The following PNPT1 variants were observed in gnomAD, a reference collection of about 807,000 sequenced individuals.
The protein encoded by PNPT1 is polyribonucleotide nucleotidyltransferase 1.
In PNPT1, 53 loss-of-function variants were observed where a neutral mutation model predicts 119.5. That is an observed-to-expected ratio of 0.44 (90% CI 0.36 to 0.56). The LOEUF (loss-of-function observed/expected upper bound fraction) is 0.56. Among genes scored for constraint, PNPT1 ranks in the 20% least tolerant of loss-of-function variants. The pLI, the probability that PNPT1 is intolerant of heterozygous loss-of-function variation, is 0.00. For synonymous variants in PNPT1, 357 were observed against 322.1 expected, an observed-to-expected ratio of 1.11 and a Z score of -1.16; for missense variants, 948 against 938.5, an observed-to-expected ratio of 1.01 and a Z score of -0.13.
intron 3 of PNPT1, among the ~76,000 whole-genome samples, chr2:55,685,650 A>G (rs1208971229): frequency 2.0e-5 from 3 of 152,198 alleles, no homozygotes; most frequent in African/African-American, 7.2e-5. Flanking sequence ...TCTGTTAAAT[A>G]TAATTGTACA....
At chr2:55,668,808 C>A (rs572955933) in intron 11 of PNPT1, among the ~76,000 whole-genome samples, 34 of 152,122 alleles carry the variant, frequency 2.2e-4, no homozygotes, top group Admixed American at 1.8e-3. Flanking sequence ...CCACGTTGGT[C>A]AGGCTGGGCT....
intron 2 of PNPT1, 36 bp downstream of exon 2, chr2:55,687,609 T>C: frequency 2.7e-6 from 4 of 1,508,768 alleles, no homozygotes; most frequent in Non-Finnish European, 3.6e-6. Context: ...TCCGTAACCA[T>C]TTTTAAGATG....
chr2:55,634,065 G>A lies in PNPT1; in HGVS notation c.*2172C>T, dbSNP rs1021595687. Among the ~76,000 whole-genome samples the A allele has an allele frequency of 1.3e-5, 2 of 152,136 alleles. No homozygotes were observed. The highest frequency in any genetic ancestry group is 1.9e-4 in the East Asian group (1 of 5,196). On this transcript the variant is annotated 3_prime_UTR_variant, in exon 28 of 28. Coordinates refer to ENST00000447944, the MANE Select transcript of PNPT1 (RefSeq NM_033109.5). ...GTTATTAAATAATAGTCGATATCAA[G>A]TGTAGAAAGCAAATAAATTTAATCT... is the stretch of plus-strand genomic sequence containing the variant.
chr2:55,687,728 T>C (rs374827168), intron 1 of PNPT1, 23 bp from the exon 2 acceptor site: 10 of 1,556,798 alleles, frequency 6.4e-6, no homozygotes, highest in African/African-American at 1.4e-5. Context: ...AAAAATGCAA[T>C]ACAAGAAGAC....
chr2:55,690,368 G>A (rs142706330), intron 1 of PNPT1, among the ~76,000 whole-genome samples: 3 of 152,052 alleles, frequency 2.0e-5, no homozygotes, highest in East Asian at 3.9e-4. Context: ...GAAAGATGTT[G>A]TGTCACATGA....
chr2:55,667,940 T>C lies in PNPT1; in HGVS notation c.995A>G (p.Asp332Gly), dbSNP rs779991123. 1.3e-6 allele frequency: 2 copies of C among 1,578,804 alleles called. No individual in the cohort carries two copies. The highest frequency in any genetic ancestry group is 8.5e-7 in the Non-Finnish European group (1 of 1,171,354). The change falls in exon 12 of 28, where the codon GAT (aspartate) becomes GGT (glycine). Residue 332 changes from aspartate (D) to glycine (G), a missense_variant. By Grantham distance (94) the Asp-to-Gly change is moderately conservative. Coordinates refer to ENST00000447944, the MANE Select transcript of PNPT1 (RefSeq NM_033109.5). ...EQLKEKFPEA[D>G]PYEIIESFNV... The stretch of plus-strand genomic sequence containing the variant: ...GAAGGATTCTATTATTTCATATGGA[T>C]CGGCTTCTGGAAATTTTTCTATAGA...
At chr2:55,639,295 A>C (rs1265476674) in intron 26 of PNPT1, among the ~76,000 whole-genome samples, 1 of 152,188 alleles carries the variant, frequency 6.6e-6, no homozygotes. Context: ...AAGGTGAAAA[A>C]AAATAAGTTG....
At chr2:55,641,367 C>G (rs1695830006) in intron 25 of PNPT1, among the ~76,000 whole-genome samples, 1 of 143,626 alleles carries the variant, frequency 7.0e-6, no homozygotes, top group Non-Finnish European at 1.5e-5. Flanking sequence ...CTCCCAGGTT[C>G]AAGTCATTCT....
chr2:55,669,217 T>C (rs993406406), intron 11 of PNPT1, among the ~76,000 whole-genome samples: 3 of 152,176 alleles, frequency 2.0e-5, no homozygotes, highest in Non-Finnish European at 2.9e-5. Flanking sequence ...TGGAGTAAAC[T>C]GCCTGAGACC....
At chr2:55,652,364 A>T (rs757945448) in intron 18 of PNPT1, among the ~76,000 whole-genome samples, 65 of 152,222 alleles carry the variant, frequency 4.3e-4, no homozygotes, top group Non-Finnish European at 7.6e-4. Context: ...ATCAAATTTA[A>T]TTTTTTTGAG....
chr2:55,657,253 CAG>C (rs1696414415), intron 15 of PNPT1, among the ~76,000 whole-genome samples: 1 of 151,878 alleles, frequency 6.6e-6, no homozygotes. Context: ...TGCTTGAACC[CAG>C]GAGGTGGAGG....
intron 13 of PNPT1, among the ~76,000 whole-genome samples, chr2:55,664,718 A>C (rs1325351271): frequency 2.0e-5 from 3 of 152,184 alleles, no homozygotes; most frequent in African/African-American, 7.2e-5. Flanking sequence ...ACTAAGTACT[A>C]CAGTTACAAA....
At chr2:55,652,650 A>G (rs1012556233) in intron 18 of PNPT1, among the ~76,000 whole-genome samples, 1 of 152,148 alleles carries the variant, frequency 6.6e-6, no homozygotes, top group Non-Finnish European at 1.5e-5. Flanking sequence ...TGGTGCACCT[A>G]TTATTTAGTC....
intron 11 of PNPT1, among the ~76,000 whole-genome samples, chr2:55,670,883 C>G (rs1010789405): frequency 6.6e-6 from 1 of 151,810 alleles, no homozygotes; most frequent in Non-Finnish European, 1.5e-5. Flanking sequence ...TAGCAGTAAC[C>G]TTGTGAGCTA....
intron 9 of PNPT1, 139 bp from the exon 10 acceptor site, chr2:55,672,185 T>C (rs1261466927): frequency 1.5e-6 from 1 of 658,748 alleles, no homozygotes; most frequent in East Asian, 3.0e-5. Flanking sequence ...AAAATTTATA[T>C]TGCTATTTAT....
intron 8 of PNPT1, among the ~76,000 whole-genome samples, chr2:55,674,613 A>G (rs1697009623): frequency 6.6e-6 from 1 of 152,216 alleles, no homozygotes; most frequent in Non-Finnish European, 1.5e-5. Context: ...ATAAATAAAT[A>G]GAGAAAAAGA....
intron 1 of PNPT1, among the ~76,000 whole-genome samples, chr2:55,691,848 T>TTA (rs869195974): frequency 5.8e-3 from 509 of 87,166 alleles, no homozygotes; most frequent in African/African-American, 0.013. Context: ...TTAAAAATGT[T>TTA]TATATATATA....
intron 18 of PNPT1, among the ~76,000 whole-genome samples, chr2:55,652,580 A>C (rs376258393): frequency 2.4e-4 from 36 of 152,290 alleles, no homozygotes; most frequent in African/African-American, 8.2e-4. Context: ...ACTTGAGATC[A>C]TTCTCTGACC....
At chr2:55,660,354 G>T (rs1696526554) in intron 14 of PNPT1, among the ~76,000 whole-genome samples, 161 bp from the exon 15 acceptor site, 1 of 152,172 alleles carries the variant, frequency 6.6e-6, no homozygotes, top group Non-Finnish European at 1.5e-5. Context: ...AAGGATGATT[G>T]TGAGATGATA....
Sources: gnomAD v4.1 joint callset for allele counts (sites outside exome capture counted in the v4.1 genomes callset) on GRCh38, gnomAD v4.1.1 for gene constraint, MANE v1.5 for transcripts, NCBI Gene and HGNC (gene_info 2026-07-23, HGNC 2026-07-21) for gene names.